Variants in ATP9A observed in about 807,000 individuals in gnomAD.
ATP9A encodes probable phospholipid-transporting ATPase IIA.
ATP9A carries 52 observed loss-of-function variants against 144.1 expected under a neutral mutation model. That is an observed-to-expected ratio of 0.36 (90% CI 0.29 to 0.45). The LOEUF is 0.45. Ranked by LOEUF, ATP9A falls within the 20% of genes least tolerant of loss-of-function variation. ATP9A has a pLI of 1.00. For synonymous variants in ATP9A, 582 were observed against 557.4 expected, an observed-to-expected ratio of 1.04 and a Z score of -0.62; for missense variants, 947 against 1,392.7, an observed-to-expected ratio of 0.68 and a Z score of 5.09.
At chr20:51,620,523 G>A (rs2077222284) in intron 19 of ATP9A, among the ~76,000 whole-genome samples, 1 of 151,708 alleles carries the variant, frequency 6.6e-6, no homozygotes, top group Admixed American at 6.6e-5. Context: ...CATTAACATT[G>A]AGCTCACAGC....
At chr20:51,680,658 A>T (rs1236816733) in intron 9 of ATP9A, among the ~76,000 whole-genome samples, 1 of 152,168 alleles carries the variant, frequency 6.6e-6, no homozygotes, top group Non-Finnish European at 1.5e-5. Flanking sequence ...AGACCTGTTA[A>T]CCGAGAGGCA....
In ATP9A at chr20:51,659,804, A is replaced by G. The variant is rs1423517717; in HGVS notation, c.1294-2654T>C. On this transcript the variant is annotated intron_variant, in intron 13 of 27. Coordinates refer to ENST00000338821, the MANE Select transcript of ATP9A (RefSeq NM_006045.3). Reference sequence around the variant, plus strand: ...TTTTAGTATTAGCATTAGACTCCTCAGGTAATTAGACAATTACTAAATTAT... The same window carrying G: ...TTTTAGTATTAGCATTAGACTCCTCGGGTAATTAGACAATTACTAAATTAT... Among the ~76,000 whole-genome samples, 3 of 152,248 alleles carry G rather than the reference A, an allele frequency of 2.0e-5. No homozygotes were observed. In the East Asian group the frequency reaches 5.8e-4, roughly 29 times the overall value.
chr20:51,626,580 C>T (rs886584389), intron 17 of ATP9A, among the ~76,000 whole-genome samples: 2 of 151,104 alleles, frequency 1.3e-5, no homozygotes, highest in Non-Finnish European at 2.9e-5. Flanking sequence ...GAGGTTGAGG[C>T]AGGAGGATGG....
rs1044062764 is a variant in ATP9A, at chr20:51,608,596, C to T, written c.2667G>A (p.Val889=). 3.1e-6 allele frequency: 5 copies of T among 1,613,260 alleles called. No homozygotes were observed. Among genetic ancestry groups the T allele is most frequent in the Non-Finnish European group, 3.4e-6 (4 of 1,179,268 alleles). Residue 889 remains valine, a synonymous_variant, in exon 25 of 28, where the codon GTG becomes GTA. Coordinates refer to ENST00000338821, the MANE Select transcript of ATP9A (RefSeq NM_006045.3). ...CATCTTTGTCCAGGACCAGAGAAAA[C>T]ACAGGAAACATGGTGTAAATTGTGG... ...GYSTIYTMFP[V]FSLVLDKDVK...
intron 1 of ATP9A, among the ~76,000 whole-genome samples, chr20:51,755,757 C>G (rs1464664320): frequency 6.6e-6 from 1 of 152,086 alleles, no homozygotes; most frequent in Non-Finnish European, 1.5e-5. Context: ...AGATCAAGAC[C>G]ATCCTGGCTA....
intron 14 of ATP9A, among the ~76,000 whole-genome samples, chr20:51,648,646 A>G (rs2077351728): frequency 1.3e-5 from 2 of 152,188 alleles, no homozygotes; most frequent in African/African-American, 4.8e-5. Flanking sequence ...CCTGGTCAAC[A>G]TAGCAAGACC....
intron 15 of ATP9A, among the ~76,000 whole-genome samples, chr20:51,631,377 C>A (rs1017211573): frequency 1.3e-5 from 2 of 152,144 alleles, no homozygotes; most frequent in African/African-American, 4.8e-5. Context: ...GGGGTCTGCA[C>A]ATTAAAGAAT....
intron 1 of ATP9A, among the ~76,000 whole-genome samples, chr20:51,765,026 A>C (rs1314052000): frequency 6.6e-6 from 1 of 152,086 alleles, no homozygotes; most frequent in Non-Finnish European, 1.5e-5. Flanking sequence ...TGGCCCCTAA[A>C]ATGGGAGAAT....
At chr20:51,662,920 A>T (rs1371021550) in intron 13 of ATP9A, among the ~76,000 whole-genome samples, 1 of 151,848 alleles carries the variant, frequency 6.6e-6, no homozygotes, top group Non-Finnish European at 1.5e-5. Context: ...AAAATACAAA[A>T]ATTAGCTGGC....
chr20:51,703,513 C>CTG (rs2122837633), intron 4 of ATP9A, among the ~76,000 whole-genome samples: 1 of 152,316 alleles, frequency 6.6e-6, no homozygotes, highest in East Asian at 1.9e-4. Flanking sequence ...AGTCGTCTCT[C>CTG]AATCAGAGTT....
chr20:51,703,033 C>G (rs1363280066), intron 4 of ATP9A, among the ~76,000 whole-genome samples: 1 of 152,060 alleles, frequency 6.6e-6, no homozygotes, highest in Non-Finnish European at 1.5e-5. Flanking sequence ...CCCAGAGACT[C>G]CTAAGATGGA....
At chr20:51,629,105 G>C (rs767151988) in intron 15 of ATP9A, 33 bp from the exon 16 acceptor site, 1 of 1,555,472 alleles carries the variant, frequency 6.4e-7, no homozygotes, top group Non-Finnish European at 8.9e-7. Context: ...ATGAGAAACT[G>C]AAAGGAACAC....
chr20:51,728,961 G>C (rs1325634763), intron 2 of ATP9A, among the ~76,000 whole-genome samples: 1 of 152,204 alleles, frequency 6.6e-6, no homozygotes, highest in African/African-American at 2.4e-5. Context: ...TTATGTGCAT[G>C]TTGGGGAGAA....
At position 51,600,847 on chromosome 20, in the gene ATP9A, A is replaced by AC. The variant is rs748284530; in HGVS notation, c.*363_*364insG. Reference sequence around the variant, plus strand: ...ACACACACACACACACACACACACAAGCCTTCTACAACCTTCAGCTACACA... The same window carrying AC: ...ACACACACACACACACACACACACAACGCCTTCTACAACCTTCAGCTACACA... On this transcript the variant is annotated 3_prime_UTR_variant, in exon 28 of 28. Transcript: ENST00000338821. 11 of 145,432 alleles carry AC rather than the reference A, an allele frequency of 7.6e-5. No homozygotes were observed. The highest frequency in any genetic ancestry group is 1.3e-4 in the Non-Finnish European group (9 of 71,122). 9.0% of individuals were successfully genotyped at this position (145,432 alleles called of 1,614,324 possible).
chr20:51,619,767 G>C lies in ATP9A; in HGVS notation c.2116-724C>G, dbSNP rs555584533. On this transcript the variant is annotated intron_variant, in intron 19 of 27. Coordinates refer to ENST00000338821, the MANE Select transcript of ATP9A (RefSeq NM_006045.3). ...CCTATAATCCCAGCTACTTGGGAAG[G>C]CTGAGGCAGGAGAATCGCTTGAACC... Among the ~76,000 whole-genome samples the C allele has an allele frequency of 5.3e-5, 8 of 151,434 alleles. 1 individual carries two copies. The highest frequency in any genetic ancestry group is 5.3e-4 in the Admixed American group (8 of 15,194).
In ATP9A at chr20:51,712,998, T is replaced by A. The variant is rs1389191031; in HGVS notation, c.404A>T (p.Asn135Ile). ...TGTGAGCCGGCTGTAGACCTGGGAG[T>A]TGACTTCCTTGTCCCGCACGTAGCA... ...IRCYVRDKEV[N>I]SQVYSRLTAR... The change falls in exon 4 of 28, where the codon AAC becomes ATC. Residue 135 changes from asparagine to isoleucine, a missense_variant. Asn to Ile is a moderately radical substitution (Grantham distance 149). Coordinates refer to ENST00000338821, the MANE Select transcript of ATP9A (RefSeq NM_006045.3). 1 of 1,612,572 alleles carries A rather than the reference T, an allele frequency of 6.2e-7. No individual in the cohort carries two copies. The highest frequency in any genetic ancestry group is 1.1e-5 in the South Asian group (1 of 90,680).
At chr20:51,661,248 T>C (rs187156707) in intron 13 of ATP9A, among the ~76,000 whole-genome samples, 1 of 152,292 alleles carries the variant, frequency 6.6e-6, no homozygotes, top group Admixed American at 6.5e-5. Context: ...ATACAAAAAT[T>C]AAACGTTGAG....
Position 51,676,187 on chromosome 20 carries a change from A to C in ATP9A, c.821T>G (p.Leu274Arg). 1 of 1,613,076 alleles carries C rather than the reference A, an allele frequency of 6.2e-7. No individual in the cohort carries two copies. Among genetic ancestry groups the C allele is most frequent in the Non-Finnish European group, 8.5e-7 (1 of 1,179,542 alleles). Residue 274 changes from leucine to arginine, a missense_variant, in exon 10 of 28, where the codon CTT becomes CGT. This residue lies in a region of ATP9A where 770 missense variants were observed against 1,047.9 expected (regional missense o/e 0.73). Transcript: ENST00000338821. Reference protein sequence around the residue: ...VASGTVVGVVLYTGRELRSVM... With the variant: ...VASGTVVGVVRYTGRELRSVM... ...ACTCCGGAGTTCTCTGCCAGTGTAA[A>C]GAACAACACCCACAACAGTACCTAA...
At chr20:51,605,497 A>G (rs2077159623) in intron 26 of ATP9A, among the ~76,000 whole-genome samples, 1 of 152,194 alleles carries the variant, frequency 6.6e-6, no homozygotes. Context: ...ATGCACCTGT[A>G]GTCCCAGCTA....
Sources: allele counts gnomAD v4.1 joint callset (sites outside exome capture counted in the v4.1 genomes callset), GRCh38; gene constraint gnomAD v4.1.1; regional missense constraint gnomAD v4.1.1; transcripts MANE v1.5; gene names NCBI Gene and HGNC (gene_info 2026-07-23, HGNC 2026-07-21).